The following ALOX5 variants were observed in gnomAD, a reference collection of about 807,000 sequenced individuals.
ALOX5 encodes the protein polyunsaturated fatty acid 5-lipoxygenase.
A neutral mutation model predicts 87.9 loss-of-function variants in ALOX5; 64 were observed. The ratio of observed to expected loss-of-function variants is 0.73; its 90% CI spans 0.60 to 0.90. The LOEUF (loss-of-function observed/expected upper bound fraction) is 0.90, where lower values mean the gene tolerates loss of function less well. Ranked by LOEUF, ALOX5 falls within the 40% of genes least tolerant of loss-of-function variation. ALOX5 has a pLI of 0.00. For synonymous variants in ALOX5, 388 were observed against 355.1 expected, an observed-to-expected ratio of 1.09 and a Z score of -1.04; for missense variants, 822 against 907.5, an observed-to-expected ratio of 0.91 and a Z score of 1.21.
intron 4 of ALOX5, among the ~76,000 whole-genome samples, chr10:45,414,654 C>G (rs1254387091): frequency 6.6e-6 from 1 of 152,102 alleles, no homozygotes; most frequent in African/African-American, 2.4e-5. Flanking sequence ...AACAGGCAAC[C>G]TACAGAATGG....
At chr10:45,402,086 C>CAAAA (rs10649706) in intron 3 of ALOX5, among the ~76,000 whole-genome samples, 70 of 100,848 alleles carry the variant, frequency 6.9e-4, no homozygotes, top group Non-Finnish European at 8.4e-4. Flanking sequence ...GACTCCGTCT[C>CAAAA]AAAAAAAAAA....
chr10:45,395,750 A>G, intron 2 of ALOX5, 105 bp from the exon 3 acceptor site: 1 of 920,118 alleles, frequency 1.1e-6, no homozygotes, highest in Non-Finnish European at 1.8e-6. Context: ...CATGCACATA[A>G]AGCACTCGGC....
In ALOX5 at chr10:45,412,236, A is replaced by G. The variant is rs761933659; in HGVS notation, c.477A>G (p.Lys159=). Reference sequence around the variant, plus strand: ...GCTTCCCCTTGAGCATCGATGCCAAATGCCACAAGGATTTACCCCGTGATA... The same window carrying G: ...GCTTCCCCTTGAGCATCGATGCCAAGTGCCACAAGGATTTACCCCGTGATA... ...NPGFPLSIDA[K]CHKDLPRDIQ... is the part of the protein sequence containing the mutation. Residue 159 remains lysine, a synonymous_variant, in exon 4 of 14, where the codon AAA becomes AAG. Transcript: ENST00000374391. 5.6e-6 allele frequency: 9 copies of G among 1,614,054 alleles called. No homozygotes were observed. Among genetic ancestry groups the G allele is most frequent in the Admixed American group, 5.0e-5 (3 of 60,006 alleles).
chr10:45,374,441 C>G lies in ALOX5; in HGVS notation c.150+12C>G. The stretch of plus-strand genomic sequence containing the variant: ...TCGAGCGTGGCGCGGTGAGCGCGGG[C>G]GGGGCACGGGTGGAGCGCGGGCTGA... On this transcript the variant is annotated intron_variant, in intron 1 of 13. Coordinates refer to ENST00000374391, the MANE Select transcript of ALOX5 (RefSeq NM_000698.5). 1 of 1,537,324 alleles carries G rather than the reference C, an allele frequency of 6.5e-7. No individual in the cohort carries two copies. The highest frequency in any genetic ancestry group is 8.7e-7 in the Non-Finnish European group (1 of 1,146,442).
chr10:45,400,601 AAAAAGAAAAG>A (rs571294200), intron 3 of ALOX5, among the ~76,000 whole-genome samples: 5 of 152,200 alleles, frequency 3.3e-5, no homozygotes, highest in East Asian at 1.9e-4. Context: ...TCCATTTCAA[AAAAAGAAAAG>A]AAAAGAAAAG....
rs1000412984 is a variant in ALOX5 at position 45,424,000 on chromosome 10, A to T, written c.555-41A>T. ...GTGAAGGGGCTCTGCAGAGGGAGGC[A>T]TGGCTAGTGTGCGCAAGGTGACCTC... On this transcript the variant is annotated intron_variant, in intron 4 of 13. Transcript: ENST00000374391. The T allele has an allele frequency of 6.0e-6, 9 of 1,502,580 alleles. No homozygotes were observed. In the African/African-American group the frequency reaches 1.2e-4, roughly 21 times the overall value. 93.1% of individuals were successfully genotyped at this position (1,502,580 alleles called of 1,614,324 possible).
chr10:45,400,835 G>T (rs1301791386), intron 3 of ALOX5, among the ~76,000 whole-genome samples: 2 of 152,166 alleles, frequency 1.3e-5, no homozygotes, highest in Non-Finnish European at 2.9e-5. Flanking sequence ...GGTTCGAGGT[G>T]TCCTCTGGGG....
intron 1 of ALOX5, among the ~76,000 whole-genome samples, chr10:45,378,671 A>G (rs1254163863): frequency 6.6e-6 from 1 of 152,192 alleles, no homozygotes; most frequent in Non-Finnish European, 1.5e-5. Context: ...TCCTGGAAGG[A>G]GGCCTTTATC....
In ALOX5 at chr10:45,412,106, G is replaced by A. The variant is rs114653117; in HGVS notation, c.432-85G>A. Reference sequence around the variant, plus strand: ...TACATCAATCTCCCTGTGTAACATCGTCTGACAGTGTGGGCGGCCCTCAGC... The same window carrying A: ...TACATCAATCTCCCTGTGTAACATCATCTGACAGTGTGGGCGGCCCTCAGC... On this transcript the variant is annotated intron_variant, in intron 3 of 13. Coordinates refer to ENST00000374391, the MANE Select transcript of ALOX5 (RefSeq NM_000698.5). 874 of 1,573,428 alleles carry A rather than the reference G, an allele frequency of 5.6e-4. 9 individuals are homozygous for A. The African/African-American group carries it at 0.011, about 19-fold the overall frequency.
intron 7 of ALOX5, among the ~76,000 whole-genome samples, chr10:45,438,277 G>A (rs1210711212): frequency 6.6e-6 from 1 of 152,038 alleles, no homozygotes; most frequent in Admixed American, 6.6e-5. Flanking sequence ...TCCAATTTTT[G>A]CCTGTTCAAT....
At chr10:45,433,052 A>G (rs1841959260) in intron 7 of ALOX5, among the ~76,000 whole-genome samples, 1 of 152,264 alleles carries the variant, frequency 6.6e-6, no homozygotes, top group Admixed American at 6.5e-5. Flanking sequence ...GCATATGGAA[A>G]AACTCCTAAC....
chr10:45,381,159 C>A (rs11239497), intron 1 of ALOX5, among the ~76,000 whole-genome samples: 1 of 152,154 alleles, frequency 6.6e-6, no homozygotes, highest in Non-Finnish European at 1.5e-5. Context: ...GCCAAGCAGC[C>A]TTGTCCCAGA....
At chr10:45,415,231 T>C (rs1039697534) in intron 4 of ALOX5, among the ~76,000 whole-genome samples, 1 of 152,370 alleles carries the variant, frequency 6.6e-6, no homozygotes. Flanking sequence ...GTGGCACATA[T>C]GCACTATGGA....
Position 45,425,942 on chromosome 10 carries a change from C to T in ALOX5, c.834+810C>T, listed in dbSNP as rs2132810303. Among the ~76,000 whole-genome samples, 1 of 152,306 alleles carries T rather than the reference C, an allele frequency of 6.6e-6. No individual in the cohort carries two copies. The highest frequency in any genetic ancestry group is 3.4e-3 in the Middle Eastern group (1 of 294). ...ATAAACCTACAGCCCCAGTACCTGG[C>T]CCACCTGAATCTAGAGGGCCACCCA... On this transcript the variant is annotated intron_variant, in intron 6 of 13. Transcript: ENST00000374391. The surrounding 1 kb of genome is among the most constrained non-coding windows in gnomAD (Gnocchi z 4.4).
chr10:45,440,707 C>T (rs1842207641), intron 8 of ALOX5, 74 bp downstream of exon 8: 1 of 1,507,416 alleles, frequency 6.6e-7, no homozygotes, highest in East Asian at 2.3e-5. Context: ...ACTGACATCC[C>T]ACAGGGGGAC....
chr10:45,428,805 C>T (rs1841820475), intron 7 of ALOX5, 41 bp downstream of exon 7: 2 of 1,609,900 alleles, frequency 1.2e-6, no homozygotes, highest in South Asian at 1.1e-5. Context: ...CAGCTCAGTC[C>T]TCTGCGATCC....
At chr10:45,398,209 A>C (rs770453811) in intron 3 of ALOX5, among the ~76,000 whole-genome samples, 8 of 152,234 alleles carry the variant, frequency 5.3e-5, no homozygotes, top group Non-Finnish European at 1.0e-4. Flanking sequence ...TGGCCAATTA[A>C]TTTTTGACAG....
intron 12 of ALOX5, 115 bp downstream of exon 12, chr10:45,443,943 G>C: frequency 2.8e-6 from 4 of 1,443,558 alleles, no homozygotes; most frequent in Non-Finnish European, 3.7e-6. Flanking sequence ...CCTGGCACGG[G>C]ACTTGCAGGA....
At chr10:45,437,986 T>A (rs916531096) in intron 7 of ALOX5, among the ~76,000 whole-genome samples, 18 of 152,366 alleles carry the variant, frequency 1.2e-4, no homozygotes, top group Admixed American at 1.1e-3. Context: ...GAACAAGCAT[T>A]CTGTTTCTAA....
Sources: allele counts gnomAD v4.1 joint callset (sites outside exome capture counted in the v4.1 genomes callset), GRCh38; gene constraint gnomAD v4.1.1; non-coding constraint Gnocchi (gnomAD v3.1); transcripts MANE v1.5; gene names NCBI Gene and HGNC (gene_info 2026-07-23, HGNC 2026-07-21).